Variants in EDARADD observed in about 807,000 individuals in gnomAD.
EDARADD encodes ectodysplasin-A receptor-associated adapter protein.
EDARADD carries 20 observed loss-of-function variants against 25.6 expected under a neutral mutation model. The observed-to-expected ratio is 0.78, with a 90% confidence interval of 0.55 to 1.14. The LOEUF (loss-of-function observed/expected upper bound fraction) is 1.14, where lower values mean the gene tolerates loss of function less well. Among genes scored for constraint, EDARADD ranks in the 50% most tolerant of loss-of-function variants. The pLI, the probability that EDARADD is intolerant of heterozygous loss-of-function variation, is 0.00. For missense variants in EDARADD, 225 were observed against 270.1 expected, an observed-to-expected ratio of 0.83 and a Z score of 1.17; for synonymous variants, 86 against 94.4, an observed-to-expected ratio of 0.91 and a Z score of 0.52.
chr1:236,445,065 T>G (rs1287862455), intron 4 of EDARADD, among the ~76,000 whole-genome samples: 1 of 152,078 alleles, frequency 6.6e-6, no homozygotes, highest in Non-Finnish European at 1.5e-5. Flanking sequence ...TTATTTGTAT[T>G]AATCTTGTAT....
chr1:236,354,660 T>C (rs553019514), intron 3 of EDARADD, among the ~76,000 whole-genome samples: 2 of 152,288 alleles, frequency 1.3e-5, no homozygotes, highest in Admixed American at 1.3e-4. Flanking sequence ...TGATGTACAA[T>C]CCAGACCACT....
At chr1:236,373,491 C>CCACTGT (rs1460996345) in intron 3 of EDARADD, among the ~76,000 whole-genome samples, 1 of 152,262 alleles carries the variant, frequency 6.6e-6, no homozygotes, top group Non-Finnish European at 1.5e-5. Context: ...CAGGCATGAG[C>CCACTGT]CACTGTGCCC....
chr1:236,394,586 G>T, intron 1 of EDARADD, 81 bp downstream of exon 1: 4 of 1,298,742 alleles, frequency 3.1e-6, no homozygotes, highest in East Asian at 2.3e-5. Flanking sequence ...ATAATTCTTG[G>T]ATATATTATA....
chr1:236,404,562 C>T (rs376689240), intron 1 of EDARADD, among the ~76,000 whole-genome samples: 23 of 152,218 alleles, frequency 1.5e-4, no homozygotes, highest in African/African-American at 4.8e-4. Context: ...AAGTCAGAAC[C>T]GCAATCAGAA....
At chr1:236,366,805 G>T (rs552610343) in intron 3 of EDARADD, among the ~76,000 whole-genome samples, 1 of 149,448 alleles carries the variant, frequency 6.7e-6, no homozygotes, top group African/African-American at 2.4e-5. Context: ...GGCCAGGCGC[G>T]GTGGCTCATG....
intron 4 of EDARADD, among the ~76,000 whole-genome samples, chr1:236,427,769 TTTAAGGC>T (rs1240153425): frequency 2.0e-5 from 3 of 152,150 alleles, no homozygotes; most frequent in African/African-American, 7.2e-5. Flanking sequence ...GAGCAAATTC[TTTAAGGC>T]ACAACAAAAC....
At chr1:236,479,674 G>A (rs1659611832) in intron 5 of EDARADD, among the ~76,000 whole-genome samples, 1 of 151,228 alleles carries the variant, frequency 6.6e-6, no homozygotes, top group African/African-American at 2.4e-5. Flanking sequence ...TTCCATGACT[G>A]CCTCGGTATA....
Position 236,483,197 on chromosome 1 carries a change from C to G in EDARADD, c.*548C>G. On this transcript the variant is annotated 3_prime_UTR_variant, in exon 6 of 6. Coordinates refer to ENST00000334232, the MANE Select transcript of EDARADD (RefSeq NM_145861.4). ...TTCTCAAGATCCATGCCAGGGAGCT[C>G]TTTGACTCTCGTGGGAATCCCACTG... The G allele has an allele frequency of 1.3e-6, 2 of 1,576,782 alleles. No homozygotes were observed. The highest frequency in any genetic ancestry group is 1.1e-5 in the South Asian group (1 of 90,328).
intron 3 of EDARADD, among the ~76,000 whole-genome samples, chr1:236,375,105 C>T (rs1413404597): frequency 1.3e-5 from 2 of 151,284 alleles, no homozygotes; most frequent in Non-Finnish European, 2.9e-5. Context: ...AGTTGTTGTC[C>T]TACAGTTTGC....
At chr1:236,416,060 C>T (rs1328702973) in intron 3 of EDARADD, among the ~76,000 whole-genome samples, 1 of 152,176 alleles carries the variant, frequency 6.6e-6, no homozygotes, top group Admixed American at 6.5e-5. Flanking sequence ...TATTCCAGAC[C>T]CTTCTCCCTG....
At chr1:236,472,505 G>A (rs1312199504) in intron 5 of EDARADD, among the ~76,000 whole-genome samples, 1 of 152,256 alleles carries the variant, frequency 6.6e-6, no homozygotes, top group Non-Finnish European at 1.5e-5. Flanking sequence ...TATGGCCAAG[G>A]TTGAGAACCA....
At chr1:236,372,778 A>T (rs1327757368) in intron 3 of EDARADD, among the ~76,000 whole-genome samples, 1 of 151,990 alleles carries the variant, frequency 6.6e-6, no homozygotes, top group Non-Finnish European at 1.5e-5. Flanking sequence ...TCCTTATGTG[A>T]ATTTTGGTAT....
intron 1 of EDARADD, among the ~76,000 whole-genome samples, chr1:236,402,889 A>C (rs1572131390): frequency 6.6e-6 from 1 of 152,158 alleles, no homozygotes; most frequent in East Asian, 1.9e-4. Flanking sequence ...CTTAGCTGAG[A>C]CTGTGTGTAA....
chr1:236,355,328 T>C (rs1183087600), intron 3 of EDARADD, among the ~76,000 whole-genome samples: 2 of 152,082 alleles, frequency 1.3e-5, no homozygotes, highest in Non-Finnish European at 2.9e-5. Context: ...TTTCTGTCAC[T>C]CTTTTATCCT....
chr1:236,369,855 C>CAAA (rs35350100), intron 3 of EDARADD, among the ~76,000 whole-genome samples: 97 of 150,496 alleles, frequency 6.4e-4, no homozygotes, highest in African/African-American at 2.2e-3. Flanking sequence ...ACCAAAAAAG[C>CAAA]AAAAAAAAAT....
At chr1:236,407,452 C>T (rs1667759420) in intron 1 of EDARADD, among the ~76,000 whole-genome samples, 1 of 150,630 alleles carries the variant, frequency 6.6e-6, no homozygotes, top group Non-Finnish European at 1.5e-5. Flanking sequence ...GCATTATCAA[C>T]ACCTGCAGGG....
intron 5 of EDARADD, among the ~76,000 whole-genome samples, chr1:236,469,328 G>C (rs1212173834): frequency 6.6e-6 from 1 of 152,010 alleles, no homozygotes; most frequent in Non-Finnish European, 1.5e-5. Context: ...ACAAAAATTA[G>C]CCAGGCGTGG....
intron 5 of EDARADD, among the ~76,000 whole-genome samples, chr1:236,470,931 C>T (rs1304504054): frequency 2.0e-5 from 3 of 152,030 alleles, no homozygotes; most frequent in Non-Finnish European, 2.9e-5. Flanking sequence ...TTAGTAAGGA[C>T]GGGGGTTCCC....
At chr1:236,432,283 G>A (rs957806078) in intron 4 of EDARADD, among the ~76,000 whole-genome samples, 1 of 151,914 alleles carries the variant, frequency 6.6e-6, no homozygotes, top group Non-Finnish European at 1.5e-5. Flanking sequence ...CAGCTGCTCA[G>A]GAGGCTGAGG....
Sources: gnomAD v4.1 joint callset for allele counts (sites outside exome capture counted in the v4.1 genomes callset) on GRCh38, gnomAD v4.1.1 for gene constraint, MANE v1.5 for transcripts, NCBI Gene and HGNC (gene_info 2026-07-23, HGNC 2026-07-21) for gene names.